Variants in VPS13D observed in about 807,000 individuals in gnomAD.
VPS13D encodes the protein intermembrane lipid transfer protein VPS13D.
In VPS13D, 187 loss-of-function variants were observed where a neutral mutation model predicts 461.9. The ratio of observed to expected loss-of-function variants is 0.40; its 90% CI spans 0.36 to 0.46. VPS13D has a LOEUF of 0.46. Ranked by LOEUF, VPS13D falls within the 20% of genes least tolerant of loss-of-function variation. The probability of loss-of-function intolerance (pLI) is 0.60; values close to 1 mark genes in which losing one functional copy is unlikely to be tolerated. For missense variants in VPS13D, 4,711 were observed against 5,364.9 expected (o/e 0.88, Z 3.81); for synonymous variants, 1,951 against 1,986.3 (o/e 0.98, Z 0.47).
chr1:12,300,257 G>A (rs1258766614), intron 25 of VPS13D, among the ~76,000 whole-genome samples: 1 of 147,578 alleles, frequency 6.8e-6, no homozygotes, highest in Admixed American at 6.8e-5. Context: ...GCCAAGGCTG[G>A]AGTGCAGTGG....
chr1:12,248,519 A>T (rs1248162283), intron 5 of VPS13D, among the ~76,000 whole-genome samples: 3 of 151,918 alleles, frequency 2.0e-5, no homozygotes, highest in Non-Finnish European at 2.9e-5. Context: ...TTTAAAAAAA[A>T]TTTTTAGTAG....
At chr1:12,452,097 T>G (rs1056557912) in intron 65 of VPS13D, among the ~76,000 whole-genome samples, 1 of 152,218 alleles carries the variant, frequency 6.6e-6, no homozygotes, top group African/African-American at 2.4e-5. Flanking sequence ...CCTACTGAGG[T>G]CTTGAAGGCA....
intron 22 of VPS13D, among the ~76,000 whole-genome samples, chr1:12,288,873 G>A (rs962610452): frequency 2.6e-5 from 4 of 152,078 alleles, no homozygotes; most frequent in East Asian, 1.9e-4. Flanking sequence ...ACAGGATCTC[G>A]CTTGGTTGCC....
At position 12,308,648 on chromosome 1, in the gene VPS13D, G is replaced by GTTT. The variant is rs750147071; in HGVS notation, c.6650+20_6650+22dup. 1.1e-4 allele frequency: 163 copies of GTTT among 1,453,418 alleles called. 2 individuals are homozygous for GTTT. The highest frequency in any genetic ancestry group is 6.2e-4 in the Admixed American group (34 of 54,794). The allele number at this position is 1,453,418 out of a possible 1,614,324, so 90.0% of individuals were successfully genotyped here. Reference sequence around the variant, plus strand: ...TGGAAAGGAATTTGGACAAGTGAGTGTTTTTTTTTTTTTTTGAGATGGAGT... The same window carrying GTTT: ...TGGAAAGGAATTTGGACAAGTGAGTGTTTTTTTTTTTTTTTTTTGAGATGGAGT... On this transcript the variant is annotated splice_region_variant and intron_variant, in intron 27 of 69. Transcript: ENST00000620676.
At chr1:12,399,999 G>A (rs1644552921) in intron 60 of VPS13D, among the ~76,000 whole-genome samples, 182 bp from the exon 61 acceptor site, 1 of 152,076 alleles carries the variant, frequency 6.6e-6, no homozygotes, top group South Asian at 2.1e-4. Context: ...TTTAGCATCT[G>A]TTATTATGAC....
chr1:12,507,076 T>TC lies in VPS13D; in HGVS notation c.13021dup (p.His4341ProfsTer11). 1 of 1,614,136 alleles carries TC rather than the reference T, an allele frequency of 6.2e-7. No homozygotes were observed. Among genetic ancestry groups the TC allele is most frequent in the Non-Finnish European group, 8.5e-7 (1 of 1,180,010 alleles). On this transcript the variant is annotated frameshift_variant, in exon 69 of 70. Coordinates refer to ENST00000620676, the MANE Select transcript of VPS13D (RefSeq NM_015378.4). LOFTEE classifies it high-confidence loss of function. The surrounding 1 kb of genome is among the most constrained non-coding windows in gnomAD (Gnocchi z 5.3). ...CAGTGGAGTGTCCATCCCCGGCCCC[T>TC]CCCACCAGAAGCCCATGGTGAGTGC...
chr1:12,376,141 C>T (rs1570039517), intron 55 of VPS13D, among the ~76,000 whole-genome samples: 1 of 152,306 alleles, frequency 6.6e-6, no homozygotes, highest in East Asian at 1.9e-4. Flanking sequence ...CCTGTTGTTT[C>T]TGGTGCTGTG....
At chr1:12,384,566 A>C (rs1251616832) in intron 58 of VPS13D, among the ~76,000 whole-genome samples, 1 of 152,178 alleles carries the variant, frequency 6.6e-6, no homozygotes, top group Non-Finnish European at 1.5e-5. Flanking sequence ...AGATGTTGGA[A>C]TGTAGCAATG....
At chr1:12,491,954 C>T (rs1645888230) in intron 67 of VPS13D, among the ~76,000 whole-genome samples, 1 of 152,220 alleles carries the variant, frequency 6.6e-6, no homozygotes, top group Non-Finnish European at 1.5e-5. Flanking sequence ...TTTGTGGAGG[C>T]AGAGTTGCTG....
chr1:12,338,297 A>G lies in VPS13D; in HGVS notation c.8618A>G (p.Tyr2873Cys). 2 of 1,613,542 alleles carry G rather than the reference A, an allele frequency of 1.2e-6. No homozygotes were observed. The highest frequency in any genetic ancestry group is 1.7e-6 in the Non-Finnish European group (2 of 1,179,634). Residue 2873 changes from tyrosine (Y) to cysteine (C), a missense_variant, in exon 40 of 70, where the codon TAT becomes TGT. By Grantham distance (194) the Tyr-to-Cys change is radical. This residue lies in a region of VPS13D where 4,411 missense variants were observed against 4,937.8 expected (regional missense o/e 0.89). Transcript: ENST00000620676. ...CTGACTAACCTAGAGCACCAGATCT[A>G]TGCTAGAGGTACAGTATAGCCAAGC... Reference protein sequence around the residue: ...ASLTNLEHQIYARAEVKTPKR... With the variant: ...ASLTNLEHQICARAEVKTPKR...
rs1553187933 is a variant in VPS13D, at chr1:12,396,029, A to ATATATATT, written c.11635-4152_11635-4151insTATATATT. On this transcript the variant is annotated intron_variant, in intron 60 of 69. Transcript: ENST00000620676. ...TATATATATATATATATATATATAT[A>ATATATATT]GTTCTTTAAGATCAATAAAATTAAT... Among the ~76,000 whole-genome samples, 811 of 119,780 alleles carry ATATATATT rather than the reference A, an allele frequency of 6.8e-3. 26 individuals carry two copies. Among genetic ancestry groups the ATATATATT allele is most frequent in the South Asian group, 0.03 (123 of 4,064 alleles). 78.6% of individuals were successfully genotyped at this position (119,780 alleles called of 152,430 possible). A position where few individuals can be genotyped will look rare whatever the true frequency, so the allele number is the denominator to read the frequency against.
At chr1:12,460,496 T>G in intron 67 of VPS13D, 100 bp downstream of exon 67, 7 of 1,119,598 alleles carry the variant, frequency 6.3e-6, no homozygotes, top group Non-Finnish European at 8.1e-6. Context: ...TTCTTAGTTA[T>G]AGGGTTTTTA....
chr1:12,333,611 G>A (rs556981814), intron 38 of VPS13D, among the ~76,000 whole-genome samples: 8 of 152,290 alleles, frequency 5.3e-5, no homozygotes, highest in African/African-American at 1.9e-4. Context: ...AAACGTAAAT[G>A]GCCGTGATGG....
intron 61 of VPS13D, among the ~76,000 whole-genome samples, chr1:12,401,023 G>T (rs1644572778): frequency 6.6e-6 from 1 of 151,308 alleles, no homozygotes; most frequent in Non-Finnish European, 1.5e-5. Flanking sequence ...GAAATATTGG[G>T]AAAGGGCTAT....
chr1:12,286,054 T>TCCTTTCCTTC (rs913254796), intron 21 of VPS13D, among the ~76,000 whole-genome samples: 13 of 148,096 alleles, frequency 8.8e-5, no homozygotes, highest in Admixed American at 6.8e-5. Context: ...TCCCTTCCTT[T>TCCTTTCCTTC]CCTTTCCTTC....
At chr1:12,462,201 C>T (rs1304793440) in intron 67 of VPS13D, among the ~76,000 whole-genome samples, 2 of 152,120 alleles carry the variant, frequency 1.3e-5, no homozygotes, top group African/African-American at 4.8e-5. Flanking sequence ...CAAATGACAT[C>T]GAGGACACTT....
Position 12,276,049 on chromosome 1 carries a change from T to C in VPS13D, c.2461T>C (p.Phe821Leu). The C allele has an allele frequency of 6.2e-7, 1 of 1,614,098 alleles. No individual in the cohort carries two copies. Among genetic ancestry groups the C allele is most frequent in the African/African-American group, 1.3e-5 (1 of 75,018 alleles). ...GATGTATGAGAGGTACTCGCTGTCATTTATGGACCTCCAGATCATGGTTGG... is the reference window on the plus strand; with the variant it reads ...GATGTATGAGAGGTACTCGCTGTCACTTATGGACCTCCAGATCATGGTTGG... ...TKMYERYSLS[F>L]MDLQIMVGRV... Residue 821 changes from phenylalanine (F) to leucine (L), a missense_variant, in exon 19 of 70, where the codon TTT becomes CTT. Transcript: ENST00000620676. This position sits in a 1 kb window ranked among gnomAD's most constrained non-coding sequence, Gnocchi z 4.5.
In VPS13D at chr1:12,456,004, G is replaced by A. The variant is rs1645321906; in HGVS notation, c.12340G>A (p.Gly4114Arg). ...TGCTTTTAACTCCTTCTAGTTTGCTGGAACATTATCAGATGGCTTAGGGAA... is the reference window on the plus strand; with the variant it reads ...TGCTTTTAACTCCTTCTAGTTTGCTAGAACATTATCAGATGGCTTAGGGAA... ...GVSNSAAKFA[G>R]TLSDGLGKTM... Residue 4114 changes from glycine (G) to arginine (R), a missense_variant, in exon 66 of 70, where the codon GGA becomes AGA. Physicochemically the swap from Gly to Arg is moderately radical, Grantham distance 125. Around this residue, in one of 3 missense-constraint regions of VPS13D, gnomAD observed 106 missense variants for 206.2 expected, o/e 0.51. Transcript: ENST00000620676. 2 of 1,606,956 alleles carry A rather than the reference G, an allele frequency of 1.2e-6. No individual in the cohort carries two copies. The highest frequency in any genetic ancestry group is 8.5e-7 in the Non-Finnish European group (1 of 1,177,632).
At chr1:12,341,700 G>A (rs1013369416) in intron 40 of VPS13D, 80 bp from the exon 41 acceptor site, 2 of 1,268,460 alleles carry the variant, frequency 1.6e-6, no homozygotes, top group Non-Finnish European at 2.3e-6. Context: ...GACAAATTTG[G>A]GCACTGTCTC....
Sources: gnomAD v4.1 joint callset for allele counts (sites outside exome capture counted in the v4.1 genomes callset) on GRCh38, gnomAD v4.1.1 for gene constraint, gnomAD v4.1.1 regional missense constraint, Gnocchi (gnomAD v3.1) non-coding constraint, MANE v1.5 for transcripts, NCBI Gene and HGNC (gene_info 2026-07-23, HGNC 2026-07-21) for gene names.